GATA4: variants seen among roughly 807,000 people sequenced by gnomAD.
GATA4 encodes the protein GATA binding protein 4.
In GATA4, 7 loss-of-function variants were observed where a neutral mutation model predicts 37.9. That is an observed-to-expected ratio of 0.18 (90% CI 0.11 to 0.35). The LOEUF (loss-of-function observed/expected upper bound fraction) is 0.35. Ranked by LOEUF, GATA4 falls within the 10% of genes least tolerant of loss-of-function variation. The pLI is 1.00. For synonymous variants in GATA4, 372 were observed against 292.6 expected, an observed-to-expected ratio of 1.27 and a Z score of -2.77; for missense variants, 647 against 653.0, an observed-to-expected ratio of 0.99 and a Z score of 0.10.
upstream of GATA4, among the ~76,000 whole-genome samples, chr8:11,703,173 G>C (rs924657194): frequency 7.9e-5 from 12 of 151,164 alleles, no homozygotes; most frequent in African/African-American, 2.9e-4. Flanking sequence ...GAAAAACGCG[G>C]CCTTAAAAAA....
intron 2 of GATA4, among the ~76,000 whole-genome samples, chr8:11,739,960 G>A (rs1015038524): frequency 6.6e-6 from 1 of 152,210 alleles, no homozygotes; most frequent in South Asian, 2.1e-4. Context: ...CCCACAGAAG[G>A]ACTGGGGATG....
At position 11,750,118 on chromosome 8, in the gene GATA4, C is replaced by G. The variant is rs1563228364; in HGVS notation, c.794C>G (p.Ser265Cys). ...LIKPQRRLSA[S>C]RRVGLSCANC... ...TTGTTTCCTGTCTTGCAGTCCGCCT[C>G]CCGCCGAGTGGGCCTCTCCTGTGCC... Residue 265 changes from serine (S) to cysteine (C), a missense_variant, in exon 4 of 7, where the codon TCC becomes TGC. Ser to Cys is a moderately radical substitution (Grantham distance 112). This residue lies in a region of GATA4 where 56 missense variants were observed against 64.5 expected (regional missense o/e 0.87). Coordinates refer to ENST00000532059, the MANE Select transcript of GATA4 (RefSeq NM_001308093.3). 2 of 1,614,138 alleles carry G rather than the reference C, an allele frequency of 1.2e-6. No homozygotes were observed. The highest frequency in any genetic ancestry group is 1.7e-6 in the Non-Finnish European group (2 of 1,180,050).
At position 11,711,731 on chromosome 8, in the gene GATA4, G is replaced by C. The variant is rs189482265; in HGVS notation, c.616+2803G>C. Among the ~76,000 whole-genome samples the C allele has an allele frequency of 3.4e-3, 406 of 118,154 alleles. 5 individuals are homozygous for C. The highest frequency in any genetic ancestry group is 0.012 in the African/African-American group (369 of 30,422). The allele number at this position is 118,154 out of a possible 152,430, so 77.5% of individuals were successfully genotyped here. A position where few individuals can be genotyped will look rare whatever the true frequency, so the allele number is the denominator to read the frequency against. ...CCACTGCACTCCAGCCTGGGTGACA[G>C]AGTGAGACCCTCTCTCAAAAAAAAA... On this transcript the variant is annotated intron_variant, in intron 2 of 6. Coordinates refer to ENST00000532059, the MANE Select transcript of GATA4 (RefSeq NM_001308093.3).
chr8:11,725,555 T>A (rs1281273860), intron 2 of GATA4, among the ~76,000 whole-genome samples: 1 of 152,170 alleles, frequency 6.6e-6, no homozygotes, highest in African/African-American at 2.4e-5. Flanking sequence ...TTCTACAGTA[T>A]TTCTGGAGAG....
rs1289378857 is a variant in GATA4 at position 11,750,230 on chromosome 8, C to T, written c.906C>T (p.Leu302=). The change falls in exon 4 of 7, where the codon CTC becomes CTT. Residue 302 remains leucine (L), a synonymous_variant. Transcript: ENST00000532059. ...ATGCCTGCGGCCTCTACATGAAGCT[C>T]CACGGGGTACGTGGGTCCTGCGCCC... ...VCNACGLYMK[L]HGVPRPLAMR... 4 of 1,612,768 alleles carry T rather than the reference C, an allele frequency of 2.5e-6. No homozygotes were observed. The African/African-American group carries it at 4.0e-5, about 16-fold the overall frequency.
intron 2 of GATA4, among the ~76,000 whole-genome samples, chr8:11,737,467 T>C (rs1212064185): frequency 6.6e-6 from 1 of 152,244 alleles, no homozygotes; most frequent in Non-Finnish European, 1.5e-5. Flanking sequence ...AGCTCCTAAC[T>C]GGGGTTGCAG....
chr8:11,733,664 T>A (rs1177367626), intron 2 of GATA4, among the ~76,000 whole-genome samples: 4 of 152,272 alleles, frequency 2.6e-5, no homozygotes, highest in Non-Finnish European at 5.9e-5. Flanking sequence ...GAAGTAGATC[T>A]GTGCTGATAT....
rs183891960 is a variant in GATA4, at chr8:11,724,410, A to G, written c.616+15482A>G. The stretch of plus-strand genomic sequence containing the variant: ...CATCCCATTTTCCAGAGACTGCACC[A>G]TTTTATATCCTTCATGGCATCTTTA... On this transcript the variant is annotated intron_variant, in intron 2 of 6. Coordinates refer to ENST00000532059, the MANE Select transcript of GATA4 (RefSeq NM_001308093.3). Among the ~76,000 whole-genome samples, 4 of 152,306 alleles carry G rather than the reference A, an allele frequency of 2.6e-5. No homozygotes were observed. The East Asian group carries it at 5.8e-4, about 22-fold the overall frequency.
intron 2 of GATA4, among the ~76,000 whole-genome samples, chr8:11,715,600 G>T (rs934201204): frequency 1.3e-5 from 2 of 152,084 alleles, no homozygotes; most frequent in African/African-American, 4.8e-5. Context: ...AATTAGCTGG[G>T]CATGGTGGCA....
intron 1 of GATA4, chr8:11,683,187 G>A: frequency 1.1e-6 from 1 of 925,158 alleles, no homozygotes; most frequent in Non-Finnish European, 1.3e-6. Flanking sequence ...GACAGCAGCA[G>A]GAACAATCCA....
intron 2 of GATA4, among the ~76,000 whole-genome samples, chr8:11,744,246 A>G (rs1156717509): frequency 1.3e-5 from 2 of 152,112 alleles, no homozygotes; most frequent in Admixed American, 6.5e-5. Context: ...GACCCCTCCA[A>G]CTTCAGCCTC....
upstream of GATA4, chr8:11,692,430 T>C (rs141730842): frequency 5.0e-4 from 397 of 801,268 alleles, 3 homozygotes; most frequent in African/African-American, 7.1e-3. Context: ...ATCTTATCTA[T>C]CACTATATAA....
chr8:11,757,492 C>A (rs558769695), intron 6 of GATA4, among the ~76,000 whole-genome samples: 1 of 152,342 alleles, frequency 6.6e-6, no homozygotes, highest in African/African-American at 2.4e-5. Flanking sequence ...CGTGGTTGCG[C>A]TGTCGGAGGC....
intron 2 of GATA4, among the ~76,000 whole-genome samples, chr8:11,717,455 T>G (rs373592574): frequency 1.8e-3 from 279 of 152,268 alleles, no homozygotes; most frequent in South Asian, 9.4e-3. Context: ...TCTGTTTTGC[T>G]GGAAAGAAAG....
intron 2 of GATA4, among the ~76,000 whole-genome samples, chr8:11,725,721 G>A (rs373385487): frequency 3.3e-5 from 5 of 152,354 alleles, no homozygotes; most frequent in East Asian, 1.9e-4. Context: ...AGCAGCCTTG[G>A]CTCACAGCGA....
chr8:11,724,317 T>C (rs1800813877), intron 2 of GATA4, among the ~76,000 whole-genome samples: 1 of 152,204 alleles, frequency 6.6e-6, no homozygotes, highest in African/African-American at 2.4e-5. Flanking sequence ...TTTTACTTCT[T>C]TATGGTATAT....
At chr8:11,712,951 G>C (rs944947845) in intron 2 of GATA4, among the ~76,000 whole-genome samples, 7 of 152,160 alleles carry the variant, frequency 4.6e-5, no homozygotes, top group Non-Finnish European at 8.8e-5. Flanking sequence ...CCTGGCCTTT[G>C]ATTTAAATAA....
At chr8:11,716,140 T>G (rs538786916) in intron 2 of GATA4, among the ~76,000 whole-genome samples, 1 of 152,344 alleles carries the variant, frequency 6.6e-6, no homozygotes, top group African/African-American at 2.4e-5. Flanking sequence ...GAGTTGCTTC[T>G]CCGTCTTGGC....
At chr8:11,731,320 G>A (rs772354531) in intron 2 of GATA4, among the ~76,000 whole-genome samples, 1 of 152,254 alleles carries the variant, frequency 6.6e-6, no homozygotes, top group Non-Finnish European at 1.5e-5. Context: ...ATATCCAAAA[G>A]GTGGAAGTAG....
Sources: gnomAD v4.1 joint callset for allele counts (sites outside exome capture counted in the v4.1 genomes callset) on GRCh38, gnomAD v4.1.1 for gene constraint, gnomAD v4.1.1 regional missense constraint, MANE v1.5 for transcripts, NCBI Gene and HGNC (gene_info 2026-07-23, HGNC 2026-07-21) for gene names.